The following ARID3A variants were observed in gnomAD, a reference collection of about 807,000 sequenced individuals.
ARID3A encodes AT-rich interactive domain-containing protein 3A.
ARID3A carries 11 observed loss-of-function variants against 52.7 expected under a neutral mutation model. The observed-to-expected ratio is 0.21, with a 90% CI of 0.13 to 0.35. The LOEUF (loss-of-function observed/expected upper bound fraction) is 0.35. Ranked by LOEUF, ARID3A falls within the 10% of genes least tolerant of loss-of-function variation. ARID3A has a pLI of 1.00. For synonymous variants in ARID3A, 404 were observed against 359.4 expected (o/e 1.12, Z -1.40); for missense variants, 721 against 838.5 (o/e 0.86, Z 1.73).
At chr19:968,100 C>T (rs183751111) in intron 7 of ARID3A, among the ~76,000 whole-genome samples, 367 of 148,018 alleles carry the variant, frequency 2.5e-3, no homozygotes, top group South Asian at 0.017. Context: ...GTGGCTCATG[C>T]CTATAATCCC....
rs181211757 is a variant in ARID3A, at chr19:972,477, T to C, written c.*412T>C. 5.2e-4 allele frequency: 111 copies of C among 215,054 alleles called. 1 individual carries two copies. In the East Asian group the frequency reaches 7.6e-3, roughly 15 times the overall value. 13.3% of individuals were successfully genotyped at this position (215,054 alleles called of 1,614,324 possible). A position where few individuals can be genotyped will look rare whatever the true frequency, so the allele number is the denominator to read the frequency against. On this transcript the variant is annotated 3_prime_UTR_variant, in exon 9 of 9. Coordinates refer to ENST00000263620, the MANE Select transcript of ARID3A (RefSeq NM_005224.3). ...GTGTGGGCCGATCCTGTTTACCTCA[T>C]ACATCCCTGCACTGTGTGTTTTCAT...
chr19:926,845 A>G (rs1599375908), intron 1 of ARID3A, among the ~76,000 whole-genome samples: 1 of 152,006 alleles, frequency 6.6e-6, no homozygotes, highest in East Asian at 2.0e-4. Context: ...CGGCGGGTTC[A>G]ATTATCTTCC....
chr19:968,512 C>A lies in ARID3A; in HGVS notation c.1594+9C>A, dbSNP rs2038211167. 6.2e-6 allele frequency: 10 copies of A among 1,612,890 alleles called. No homozygotes were observed. The highest frequency in any genetic ancestry group is 8.5e-6 in the Non-Finnish European group (10 of 1,179,316). ...CGGCATCATGTACACAGGTAGGACCCCTGAGGCCACGCCCTGCCTGGACCT... is the reference window on the plus strand; with the variant it reads ...CGGCATCATGTACACAGGTAGGACCACTGAGGCCACGCCCTGCCTGGACCT... On this transcript the variant is annotated intron_variant, in intron 8 of 8. Coordinates refer to ENST00000263620, the MANE Select transcript of ARID3A (RefSeq NM_005224.3).
At chr19:930,601 C>T (rs1167239172) in intron 2 of ARID3A, among the ~76,000 whole-genome samples, 1 of 150,456 alleles carries the variant, frequency 6.6e-6, no homozygotes, top group East Asian at 2.0e-4. Flanking sequence ...CCTCCTCCTC[C>T]CGGGTTCACA....
chr19:963,736 C>T (rs1395797893), intron 4 of ARID3A, among the ~76,000 whole-genome samples: 6 of 152,294 alleles, frequency 3.9e-5, no homozygotes, highest in South Asian at 4.1e-4. Flanking sequence ...CCCCCCATGT[C>T]GGGGCTAGCC....
intron 3 of ARID3A, among the ~76,000 whole-genome samples, chr19:939,430 T>C (rs1424159899): frequency 6.6e-6 from 1 of 152,174 alleles, no homozygotes; most frequent in African/African-American, 2.4e-5. Flanking sequence ...CGATACACTT[T>C]TGGTTCCAGA....
At chr19:969,112 T>C (rs1255633813) in intron 8 of ARID3A, among the ~76,000 whole-genome samples, 1 of 152,086 alleles carries the variant, frequency 6.6e-6, no homozygotes, top group East Asian at 1.9e-4. Context: ...ATGTATTTTT[T>C]ATTTTTTTTA....
chr19:968,658 G>A lies in ARID3A; in HGVS notation c.1594+155G>A, dbSNP rs2038214152. 6.3e-6 allele frequency: 4 copies of A among 632,690 alleles called. No homozygotes were observed. The East Asian group carries it at 8.5e-5, about 13-fold the overall frequency. The allele number at this position is 632,690 out of a possible 1,614,324, so 39.2% of individuals were successfully genotyped here. On this transcript the variant is annotated intron_variant, in intron 8 of 8. Transcript: ENST00000263620. ...CTTTGCAGGACAAACAGTCAAGACT[G>A]ATGGAGAGGATACCATCGTTCACCC...
intron 3 of ARID3A, among the ~76,000 whole-genome samples, chr19:950,636 A>C (rs1486013534): frequency 6.6e-6 from 1 of 152,204 alleles, no homozygotes; most frequent in Non-Finnish European, 1.5e-5. Flanking sequence ...TTGACCGTGG[A>C]GCAGGGGAGA....
intron 3 of ARID3A, among the ~76,000 whole-genome samples, chr19:937,630 C>T (rs934284379): frequency 6.6e-6 from 1 of 151,438 alleles, no homozygotes; most frequent in African/African-American, 2.4e-5. Context: ...CAGCTGCCCA[C>T]GTTACCTTCC....
rs904137233 is a variant in ARID3A, at chr19:938,808, C to T, written c.693+6066C>T. Among the ~76,000 whole-genome samples the T allele has an allele frequency of 5.3e-5, 8 of 152,112 alleles. No homozygotes were observed. Among genetic ancestry groups the T allele is most frequent in the African/African-American group, 1.4e-4 (6 of 41,410 alleles). ...ACCACGGTGCCTGCCAGGCAGCTCT[C>T]GGGAGTGAAGCGAGACCCCAGCAAG... On this transcript the variant is annotated intron_variant, in intron 3 of 8. Transcript: ENST00000263620. The surrounding 1 kb of genome is among the most constrained non-coding windows in gnomAD (Gnocchi z 4.0).
intron 3 of ARID3A, among the ~76,000 whole-genome samples, chr19:958,959 C>T (rs1290035730): frequency 3.3e-5 from 5 of 152,228 alleles, no homozygotes; most frequent in African/African-American, 1.2e-4. Context: ...CACAGACACT[C>T]ATGCTCACGT....
intron 3 of ARID3A, among the ~76,000 whole-genome samples, chr19:935,260 G>C (rs554346502): frequency 6.6e-6 from 1 of 152,204 alleles, no homozygotes; most frequent in Non-Finnish European, 1.5e-5. Flanking sequence ...AGGCCGCGGC[G>C]GGGGGCCGGG....
rs1432139148 is a variant in ARID3A at position 938,513 on chromosome 19, A to G, written c.693+5771A>G. On this transcript the variant is annotated intron_variant, in intron 3 of 8. Coordinates refer to ENST00000263620, the MANE Select transcript of ARID3A (RefSeq NM_005224.3). This position sits in a 1 kb window ranked among gnomAD's most constrained non-coding sequence, Gnocchi z 4.0. ...ATTTGACCCCCGGGATGCACCTGCC[A>G]GAGAGGACCCAGCGGTGTGTGGATG... 6.6e-6 allele frequency among the ~76,000 whole-genome samples: 1 copy of G among 152,212 alleles called. No homozygotes were observed. Among genetic ancestry groups the G allele is most frequent in the African/African-American group, 2.4e-5 (1 of 41,456 alleles).
chr19:933,504 G>A (rs763859962), intron 3 of ARID3A, among the ~76,000 whole-genome samples: 2 of 152,158 alleles, frequency 1.3e-5, no homozygotes, highest in Non-Finnish European at 2.9e-5. Context: ...GGGCGCGGCT[G>A]GGGGGAGCCA....
rs1182685148 is a variant in ARID3A at position 929,788 on chromosome 19, G to A, written c.260G>A (p.Gly87Asp). The A allele has an allele frequency of 6.5e-7, 1 of 1,549,526 alleles. No homozygotes were observed. Among genetic ancestry groups the A allele is most frequent in the South Asian group, 1.2e-5 (1 of 84,588 alleles). Residue 87 changes from glycine to aspartate, a missense_variant, in exon 2 of 9, where the codon GGC becomes GAC. Coordinates refer to ENST00000263620, the MANE Select transcript of ARID3A (RefSeq NM_005224.3). This position sits in a 1 kb window ranked among gnomAD's most constrained non-coding sequence, Gnocchi z 6.2. ...GGCGGCTCTGAGGATGGGCCCCCAG[G>A]CTCGGAGGAGGAGGACGCGGCCCGG... ...SPGGSEDGPP[G>D]SEEEDAAREG...
At chr19:932,861 G>A (rs764675843) in intron 3 of ARID3A, 119 bp downstream of exon 3, 2 of 1,480,862 alleles carry the variant, frequency 1.4e-6, no homozygotes, top group Admixed American at 5.2e-5. Flanking sequence ...AGAGCTGGGG[G>A]TTCCTGCGGT....
At position 932,505 on chromosome 19, in the gene ARID3A, G is replaced by C. The variant is rs1325884054; in HGVS notation, c.456G>C (p.Glu152Asp). The part of the protein sequence containing the change: ...EEEEDYEDEE[E>D]EEDEEGLGPP... ...AGGAGGATTACGAGGATGAGGAGGAGGAGGAGGACGAGGAGGGGCTGGGCC... is the reference window on the plus strand; with the variant it reads ...AGGAGGATTACGAGGATGAGGAGGACGAGGAGGACGAGGAGGGGCTGGGCC... The change falls in exon 3 of 9, where the codon GAG becomes GAC. Residue 152 changes from glutamate (E) to aspartate (D), a missense_variant. By Grantham distance (45) the Glu-to-Asp change is conservative. Coordinates refer to ENST00000263620, the MANE Select transcript of ARID3A (RefSeq NM_005224.3). 1.9e-6 allele frequency: 3 copies of C among 1,552,888 alleles called. No individual in the cohort carries two copies. The highest frequency in any genetic ancestry group is 1.7e-6 in the Non-Finnish European group (2 of 1,154,816).
Position 964,212 on chromosome 19 carries a change from G to C in ARID3A, c.767-36G>C. 5.7e-6 allele frequency: 9 copies of C among 1,575,782 alleles called. No homozygotes were observed. The highest frequency in any genetic ancestry group is 7.8e-6 in the Non-Finnish European group (9 of 1,153,554). On this transcript the variant is annotated intron_variant, in intron 4 of 8. Coordinates refer to ENST00000263620, the MANE Select transcript of ARID3A (RefSeq NM_005224.3). This position sits in a 1 kb window ranked among gnomAD's most constrained non-coding sequence, Gnocchi z 5.7. ...GACACTCGGCTCCCTGCAGTGCCCA[G>C]GTGGCCCCCAACCTCCCTCTCGCCC... is the stretch of plus-strand genomic sequence containing the variant.
Sources: allele counts gnomAD v4.1 joint callset (sites outside exome capture counted in the v4.1 genomes callset), GRCh38; gene constraint gnomAD v4.1.1; non-coding constraint Gnocchi (gnomAD v3.1); transcripts MANE v1.5; gene names NCBI Gene and HGNC (gene_info 2026-07-23, HGNC 2026-07-21).